The following CASP5 variants were observed in gnomAD, a reference collection of about 807,000 sequenced individuals.
CASP5 encodes caspase 5, also known as caspase-5.
Under a neutral mutation model 45.2 loss-of-function variants are expected in CASP5, and 42 were observed. The ratio of observed to expected loss-of-function variants is 0.93; its 90% CI spans 0.73 to 1.20. The LOEUF (loss-of-function observed/expected upper bound fraction) is 1.20, where lower values mean the gene tolerates loss of function less well. Among genes scored for constraint, CASP5 ranks in the 50% most tolerant of loss-of-function variants. The probability of loss-of-function intolerance (pLI) is 0.00; values close to 1 mark genes in which losing one functional copy is unlikely to be tolerated. For missense variants in CASP5, 512 were observed against 532.2 expected (o/e 0.96, Z 0.37); for synonymous variants, 209 against 186.2 (o/e 1.12, Z -1.00).
At chr11:105,013,346 A>T (rs1228154766) in intron 1 of CASP5, among the ~76,000 whole-genome samples, 1 of 151,912 alleles carries the variant, frequency 6.6e-6, no homozygotes, top group Non-Finnish European at 1.5e-5. Context: ...AATCTATTGC[A>T]CCACATAGTG....
intron 1 of CASP5, 25 bp downstream of exon 1, chr11:105,023,105 T>A: frequency 3.2e-6 from 5 of 1,550,084 alleles, no homozygotes; most frequent in Non-Finnish European, 4.4e-6. Context: ...ACCCAGCTGC[T>A]AGTCAGAAAA....
At chr11:105,005,306 G>A (rs1480098101) in intron 3 of CASP5, among the ~76,000 whole-genome samples, 1 of 151,592 alleles carries the variant, frequency 6.6e-6, no homozygotes, top group Admixed American at 6.6e-5. Context: ...GGACTTAGGT[G>A]GTTATCTCCT....
intron 5 of CASP5, among the ~76,000 whole-genome samples, chr11:105,001,769 A>G (rs1240851635): frequency 6.6e-6 from 1 of 152,198 alleles, no homozygotes; most frequent in East Asian, 1.9e-4. Flanking sequence ...ATTGGAACTC[A>G]GTAACAATTG....
In CASP5 at chr11:105,009,788, CACACGTATATATATATAT is replaced by C. The variant is rs1565388240; in HGVS notation, c.8-826_8-809del. 2.5e-4 allele frequency among the ~76,000 whole-genome samples: 20 copies of C among 80,882 alleles called. 1 individual carries two copies. The highest frequency in any genetic ancestry group is 4.5e-4 in the Non-Finnish European group (19 of 41,962). 53.1% of individuals were successfully genotyped at this position (80,882 alleles called of 152,430 possible). On this transcript the variant is annotated intron_variant, in intron 1 of 9. Transcript: ENST00000260315. The stretch of plus-strand genomic sequence containing the variant: ...ACACACACGTATATATATATATATA[CACACGTATATATATATAT>C]ACACACACATATATATATACACATA...
chr11:105,014,003 C>T (rs748226059), intron 1 of CASP5, among the ~76,000 whole-genome samples: 6 of 152,176 alleles, frequency 3.9e-5, no homozygotes, highest in Non-Finnish European at 5.9e-5. Flanking sequence ...TTCAGGCCAA[C>T]ACCCTTTCTT....
In CASP5 at chr11:105,000,294, G is replaced by T. The variant is rs749196349; in HGVS notation, c.919C>A (p.Pro307Thr). The T allele has an allele frequency of 1.2e-6, 2 of 1,614,200 alleles. No homozygotes were observed. Among genetic ancestry groups the T allele is most frequent in the East Asian group, 4.5e-5 (2 of 44,890 alleles). ...CAGGCCTGGACAATGATGACCTTGG[G>T]TTTGTCCTTTAGACTGAGGCAGTTG... ...NRNCLSLKDK[P>T]KVIIVQACRG... is the part of the protein sequence containing the mutation. The change falls in exon 6 of 10, where the codon CCC becomes ACC. Residue 307 changes from proline to threonine, a missense_variant. Coordinates refer to ENST00000260315, the MANE Select transcript of CASP5 (RefSeq NM_004347.5).
At chr11:105,009,810 CACACATATATATAT>C (rs1197714665) in intron 1 of CASP5, among the ~76,000 whole-genome samples, 1,930 of 98,340 alleles carry the variant, frequency 0.02, 79 homozygotes, top group East Asian at 0.17. Context: ...TATATATACA[CACACATATATATAT>C]ACACATATAT....
At position 105,003,392 on chromosome 11, in the gene CASP5, T is replaced by G; in HGVS notation, c.434-9A>C. 1 of 1,469,104 alleles carries G rather than the reference T, an allele frequency of 6.8e-7. No individual in the cohort carries two copies. Among genetic ancestry groups the G allele is most frequent in the African/African-American group, 1.4e-5 (1 of 70,512 alleles). 91.0% of individuals were successfully genotyped at this position (1,469,104 alleles called of 1,614,324 possible). On this transcript the variant is annotated splice_polypyrimidine_tract_variant and intron_variant, in intron 3 of 9. Coordinates refer to ENST00000260315, the MANE Select transcript of CASP5 (RefSeq NM_004347.5). ...CTCGATTTGCAGAAGAGCTGTGGGA[T>G]ATCACAAAATATAAATTATGGTTTC... is the stretch of plus-strand genomic sequence containing the variant.
chr11:105,003,486 ACT>A lies in CASP5; in HGVS notation c.434-105_434-104del, dbSNP rs557436159. On this transcript the variant is annotated intron_variant, in intron 3 of 9. Transcript: ENST00000260315. ...GAGAGAGAGAAATCCTAGGAAAAAG[ACT>A]CTTTATATTTAGGGGTTATAGCTGT... is the stretch of plus-strand genomic sequence containing the variant. 2.2e-3 allele frequency: 1,405 copies of A among 651,842 alleles called. 39 individuals are homozygous for A. In the South Asian group the frequency reaches 0.025, roughly 12 times the overall value. 40.4% of individuals were successfully genotyped at this position (651,842 alleles called of 1,614,324 possible).
At chr11:105,006,631 G>A (rs1862011287) in intron 3 of CASP5, among the ~76,000 whole-genome samples, 1 of 152,154 alleles carries the variant, frequency 6.6e-6, no homozygotes, top group Admixed American at 6.5e-5. Context: ...AATGAGAGCT[G>A]GTATCTTGGA....
rs45608432 is a variant in CASP5 at position 105,009,001 on chromosome 11, C to A, written c.8-21G>T. ...GTCTTCTATCAGAAATATAAAGACT[C>A]CTTCAACTCTGGGCACAGCTTAAAG... On this transcript the variant is annotated intron_variant, in intron 1 of 9. Transcript: ENST00000260315. The A allele has an allele frequency of 5.1e-3, 8,180 of 1,609,602 alleles. 324 individuals are homozygous for A. In the African/African-American group the frequency reaches 0.094, roughly 18 times the overall value.
chr11:104,994,589 A>T (rs1861372656), intron 9 of CASP5, among the ~76,000 whole-genome samples: 7 of 152,226 alleles, frequency 4.6e-5, no homozygotes, highest in Admixed American at 4.6e-4. Context: ...TACTCAGATA[A>T]TATTTTTTTA....
intron 9 of CASP5, chr11:104,995,382 T>G (rs1484447177): frequency 6.1e-6 from 1 of 164,778 alleles, no homozygotes. Flanking sequence ...GGTAACTAAG[T>G]GTGGCAGGTG....
At position 105,003,315 on chromosome 11, in the gene CASP5, G is replaced by A. The variant is rs199936232; in HGVS notation, c.502C>T (p.Arg168Cys). Residue 168 changes from arginine (R) to cysteine (C), a missense_variant, in exon 4 of 10, where the codon CGT (arginine) becomes TGT (cysteine). Arg to Cys is a radical substitution (Grantham distance 180). Transcript: ENST00000260315. ...TTACACAGTCTCAGGAATTCTTCAC[G>A]AGGACAAAGTTTGAGTATATTTGTA... is the stretch of plus-strand genomic sequence containing the variant. ...ESTNILKLCP[R>C]EEFLRLCKKN... 4.6e-5 allele frequency: 74 copies of A among 1,606,796 alleles called. 2 individuals are homozygous for A. The highest frequency in any genetic ancestry group is 1.1e-4 in the South Asian group (10 of 90,094).
At chr11:105,010,949 A>G (rs1003319560) in intron 1 of CASP5, among the ~76,000 whole-genome samples, 2 of 151,812 alleles carry the variant, frequency 1.3e-5, no homozygotes, top group Admixed American at 1.3e-4. Context: ...AGTGATCAGA[A>G]TCCAGAGCCC....
chr11:105,016,792 G>T (rs1235530432), intron 1 of CASP5, among the ~76,000 whole-genome samples: 4 of 149,606 alleles, frequency 2.7e-5, no homozygotes, highest in Non-Finnish European at 4.5e-5. Flanking sequence ...CTCGAACTGG[G>T]TGGAGCCCAC....
chr11:105,008,756 G>T, intron 2 of CASP5, 51 bp downstream of exon 2: 2 of 1,340,418 alleles, frequency 1.5e-6, no homozygotes, highest in South Asian at 2.4e-5. Context: ...ACTTATAATT[G>T]AACAGATTCT....
chr11:105,013,497 C>A (rs1029069118), intron 1 of CASP5, among the ~76,000 whole-genome samples: 1 of 151,962 alleles, frequency 6.6e-6, no homozygotes, highest in African/African-American at 2.4e-5. Context: ...TTTCAAACAT[C>A]ATTTTGTACA....
intron 3 of CASP5, among the ~76,000 whole-genome samples, chr11:105,005,731 A>G (rs1861970382): frequency 6.6e-6 from 1 of 152,156 alleles, no homozygotes; most frequent in Non-Finnish European, 1.5e-5. Flanking sequence ...CTCATCATAT[A>G]TGATATCTGG....
Sources: allele counts gnomAD v4.1 joint callset (sites outside exome capture counted in the v4.1 genomes callset), GRCh38; gene constraint gnomAD v4.1.1; transcripts MANE v1.5; gene names NCBI Gene and HGNC (gene_info 2026-07-23, HGNC 2026-07-21).